Variants in VEGFA observed in about 807,000 individuals in gnomAD.
VEGFA encodes vascular endothelial growth factor A, long form.
Under a neutral mutation model 49.7 loss-of-function variants are expected in VEGFA, and 20 were observed. The observed-to-expected ratio is 0.40, with a 90% CI of 0.28 to 0.58. The LOEUF (loss-of-function observed/expected upper bound fraction) is 0.58. Among genes scored for constraint, VEGFA ranks in the 20% least tolerant of loss-of-function variants. The pLI is 0.40. For synonymous variants in VEGFA, 219 were observed against 223.4 expected (o/e 0.98, Z 0.18); for missense variants, 505 against 553.5 (o/e 0.91, Z 0.88).
Position 43,774,406 on chromosome 6 carries a change from G to C in VEGFA, c.658+14G>C. The C allele has an allele frequency of 6.2e-7, 1 of 1,614,154 alleles. No individual in the cohort carries two copies. Among genetic ancestry groups the C allele is most frequent in the African/African-American group, 1.3e-5 (1 of 75,064 alleles). ...ATCATCACGAAGGTGAGTCCCCCTG[G>C]CTGTTGGATGGGGTTCCCTGTCCTC... On this transcript the variant is annotated intron_variant, in intron 2 of 7. Coordinates refer to ENST00000672860, the MANE Select transcript of VEGFA (RefSeq NM_003376.6).
chr6:43,771,195 G>A lies in VEGFA; in HGVS notation c.489G>A (p.Pro163=), dbSNP rs1361445942. Reference sequence around the variant, plus strand: ...AGGAGAGCGGGCCGCCCCACAGCCCGAGCCGGAGAGGGAGCGCGAGCCGCG... The same window carrying A: ...AGGAGAGCGGGCCGCCCCACAGCCCAAGCCGGAGAGGGAGCGCGAGCCGCG... The change falls in exon 1 of 8, where the codon CCG becomes CCA. Residue 163 remains proline (P), a synonymous_variant. Coordinates refer to ENST00000672860, the MANE Select transcript of VEGFA (RefSeq NM_003376.6). The A allele has an allele frequency of 4.4e-6, 7 of 1,598,448 alleles. No individual in the cohort carries two copies. Among genetic ancestry groups the A allele is most frequent in the Non-Finnish European group, 5.1e-6 (6 of 1,175,188 alleles).
rs2128027532 is a variant in VEGFA at position 43,777,443 on chromosome 6, C to T, written c.659-26C>T. 6.2e-7 allele frequency: 1 copy of T among 1,613,076 alleles called. No individual in the cohort carries two copies. The highest frequency in any genetic ancestry group is 8.5e-7 in the Non-Finnish European group (1 of 1,179,892). ...GCCATCTTTTGTGTCGCCCACCGGG[C>T]TCATGTGTCATCGCCTCTCATGCAG... On this transcript the variant is annotated intron_variant, in intron 2 of 7. Transcript: ENST00000672860. The surrounding 1 kb of genome is among the most constrained non-coding windows in gnomAD (Gnocchi z 4.3).
rs555382535 is a variant in VEGFA, at chr6:43,773,932, T to C, written c.607-409T>C. 4.0e-6 allele frequency: 1 copy of C among 251,512 alleles called. No homozygotes were observed. The highest frequency in any genetic ancestry group is 2.2e-5 in the African/African-American group (1 of 46,226). The allele number at this position is 251,512 out of a possible 1,614,324, so 15.6% of individuals were successfully genotyped here. A position where few individuals can be genotyped will look rare whatever the true frequency, so the allele number is the denominator to read the frequency against. On this transcript the variant is annotated intron_variant, in intron 1 of 7. Coordinates refer to ENST00000672860, the MANE Select transcript of VEGFA (RefSeq NM_003376.6). This position sits in a 1 kb window ranked among gnomAD's most constrained non-coding sequence, Gnocchi z 5.6. The stretch of plus-strand genomic sequence containing the variant: ...GTTTTTCTCGCCCCTAGTCCTTCCT[T>C]CCTGCCCCAGTCCAAATTTGTCCTC...
At position 43,774,429 on chromosome 6, in the gene VEGFA, C is replaced by A. The variant is rs184944635; in HGVS notation, c.658+37C>A. 2,542 of 1,610,940 alleles carry A rather than the reference C, an allele frequency of 1.6e-3. 7 individuals carry two copies. Among genetic ancestry groups the A allele is most frequent in the Middle Eastern group, 9.9e-3 (60 of 6,054 alleles). On this transcript the variant is annotated intron_variant, in intron 2 of 7. Transcript: ENST00000672860. ...TGGCTGTTGGATGGGGTTCCCTGTCCTCTCAGGGGATGGGTGGATGGCCTA... is the reference window on the plus strand; with the variant it reads ...TGGCTGTTGGATGGGGTTCCCTGTCATCTCAGGGGATGGGTGGATGGCCTA...
intron 1 of VEGFA, chr6:43,771,862 G>A: frequency 5.2e-6 from 1 of 193,800 alleles, no homozygotes; most frequent in Non-Finnish European, 9.4e-6. Context: ...ATTGCTGCGG[G>A]GACCCCCCCT....
chr6:43,777,730 T>A lies in VEGFA; in HGVS notation c.855+65T>A. On this transcript the variant is annotated intron_variant, in intron 3 of 7. Transcript: ENST00000672860. The surrounding 1 kb of genome is among the most constrained non-coding windows in gnomAD (Gnocchi z 4.3). ...AGGGGGGTAACACTTTGGGAACAGG[T>A]GGTCCCAGGTCGTTTCCTGGCTAGA... 6.7e-7 allele frequency: 1 copy of A among 1,485,896 alleles called. No homozygotes were observed. Among genetic ancestry groups the A allele is most frequent in the Non-Finnish European group, 9.1e-7 (1 of 1,099,028 alleles). The allele number at this position is 1,485,896 out of a possible 1,614,324, so 92.0% of individuals were successfully genotyped here.
chr6:43,779,650 T>C (rs1359601876), intron 5 of VEGFA: 2 of 463,104 alleles, frequency 4.3e-6, no homozygotes, highest in East Asian at 6.7e-5. Flanking sequence ...TGTGCGGACA[T>C]TGAAGCCCCC....
rs756152837 is a variant in VEGFA at position 43,770,713 on chromosome 6, G to A, written c.7G>A (p.Asp3Asn). 2 of 1,542,828 alleles carry A rather than the reference G, an allele frequency of 1.3e-6. No individual in the cohort carries two copies. The highest frequency in any genetic ancestry group is 2.6e-5 in the East Asian group (1 of 38,660). ...CCGCAGCTGACCAGTCGCGCTGACGGACAGACAGACAGACACCGCCCCCAG... is the reference window on the plus strand; with the variant it reads ...CCGCAGCTGACCAGTCGCGCTGACGAACAGACAGACAGACACCGCCCCCAG... Residue 3 changes from aspartate to asparagine, a missense_variant, in exon 1 of 8, where the codon GAC (aspartate) becomes AAC (asparagine). Coordinates refer to ENST00000672860, the MANE Select transcript of VEGFA (RefSeq NM_003376.6).
chr6:43,779,012 T>G (rs1766406567), intron 5 of VEGFA, 94 bp downstream of exon 5: 2 of 1,530,974 alleles, frequency 1.3e-6, no homozygotes, highest in African/African-American at 2.7e-5. Flanking sequence ...TCCCATAGCC[T>G]CCCTGGGTCA....
At position 43,778,752 on chromosome 6, in the gene VEGFA, A is replaced by G. The variant is rs3025004; in HGVS notation, c.933-137A>G. The G allele has an allele frequency of 3.3e-3, 3,564 of 1,073,150 alleles. 65 individuals are homozygous for G. The African/African-American group carries it at 0.043, about 13-fold the overall frequency. 66.5% of individuals were successfully genotyped at this position (1,073,150 alleles called of 1,614,324 possible). A position where few individuals can be genotyped will look rare whatever the true frequency, so the allele number is the denominator to read the frequency against. Reference sequence around the variant, plus strand: ...GTTATAATGATTAAACAAGTTATATATGAAAAGATTAAAACAGTGTTGCTC... The same window carrying G: ...GTTATAATGATTAAACAAGTTATATGTGAAAAGATTAAAACAGTGTTGCTC... On this transcript the variant is annotated intron_variant, in intron 4 of 7. Coordinates refer to ENST00000672860, the MANE Select transcript of VEGFA (RefSeq NM_003376.6).
intron 2 of VEGFA, chr6:43,776,411 G>A (rs1156649436): frequency 6.6e-6 from 1 of 152,214 alleles, no homozygotes; most frequent in Non-Finnish European, 1.5e-5. Flanking sequence ...TCATGCCAGA[G>A]TCCTGCATTT....
chr6:43,782,963 A>C (rs998210617), intron 7 of VEGFA: 1 of 152,144 alleles, frequency 6.6e-6, no homozygotes, highest in African/African-American at 2.4e-5. Flanking sequence ...CATTCTCCTG[A>C]CATTAGCCTG....
In VEGFA at chr6:43,774,403, C is replaced by G; in HGVS notation, c.658+11C>G. The G allele has an allele frequency of 6.2e-7, 1 of 1,614,158 alleles. No homozygotes were observed. Among genetic ancestry groups the G allele is most frequent in the South Asian group, 1.1e-5 (1 of 91,078 alleles). On this transcript the variant is annotated intron_variant, in intron 2 of 7. Transcript: ENST00000672860. Reference sequence around the variant, plus strand: ...AGAATCATCACGAAGGTGAGTCCCCCTGGCTGTTGGATGGGGTTCCCTGTC... The same window carrying G: ...AGAATCATCACGAAGGTGAGTCCCCGTGGCTGTTGGATGGGGTTCCCTGTC...
intron 5 of VEGFA, chr6:43,780,303 TC>T (rs1181456970): frequency 3.5e-6 from 1 of 282,066 alleles, no homozygotes; most frequent in Non-Finnish European, 7.0e-6. Flanking sequence ...CTCCCCAAAG[TC>T]TGGCCTACCT....
intron 1 of VEGFA, among the ~76,000 whole-genome samples, 160 bp downstream of exon 1, chr6:43,771,472 G>A (rs1763530809): frequency 6.6e-6 from 1 of 151,542 alleles, no homozygotes; most frequent in African/African-American, 2.4e-5. Flanking sequence ...GCAGGGGGAG[G>A]GGGCGCGCGC....
rs1769157872 is a variant in VEGFA, at chr6:43,784,696, A to T, written c.*134A>T. On this transcript the variant is annotated 3_prime_UTR_variant, in exon 8 of 8. Transcript: ENST00000672860. ...CATCACCATCGACAGAACAGTCCTT[A>T]ATCCAGAAACCTGAAATGAAGGAAG... 4 of 1,524,824 alleles carry T rather than the reference A, an allele frequency of 2.6e-6. No homozygotes were observed. The highest frequency in any genetic ancestry group is 1.8e-6 in the Non-Finnish European group (2 of 1,100,164). 94.5% of individuals were successfully genotyped at this position (1,524,824 alleles called of 1,614,324 possible).
chr6:43,779,837 G>T, intron 5 of VEGFA: 1 of 412,278 alleles, frequency 2.4e-6, no homozygotes, highest in Non-Finnish European at 5.0e-6. Flanking sequence ...TGTTCTCTTG[G>T]GCTTGGCAGG....
chr6:43,782,523 C>T (rs772634558), intron 7 of VEGFA: 36 of 292,124 alleles, frequency 1.2e-4, no homozygotes, highest in Non-Finnish European at 2.2e-4. Flanking sequence ...GGCCTTGCCT[C>T]GGCCCTTTGA....
In VEGFA at chr6:43,786,096, A is replaced by T. The variant is rs796446173; in HGVS notation, c.*1534A>T. ...CACATTCCTTTGAAATAAGGTTTCA[A>T]TATACATCTACATACTATATATATA... On this transcript the variant is annotated 3_prime_UTR_variant, in exon 8 of 8. Transcript: ENST00000672860. 1 of 180,422 alleles carries T rather than the reference A, an allele frequency of 5.5e-6. No individual in the cohort carries two copies. The highest frequency in any genetic ancestry group is 2.4e-5 in the African/African-American group (1 of 42,372). 11.2% of individuals were successfully genotyped at this position (180,422 alleles called of 1,614,324 possible).
Sources: allele counts gnomAD v4.1 joint callset (sites outside exome capture counted in the v4.1 genomes callset), GRCh38; gene constraint gnomAD v4.1.1; non-coding constraint Gnocchi (gnomAD v3.1); transcripts MANE v1.5; gene names NCBI Gene and HGNC (gene_info 2026-07-23, HGNC 2026-07-21).